PXK: variants seen among roughly 807,000 people sequenced by gnomAD.
The protein encoded by PXK is PX domain-containing protein kinase-like protein.
In PXK, 35 loss-of-function variants were observed where a neutral mutation model predicts 84.7. That is an observed-to-expected ratio of 0.41 (90% CI 0.32 to 0.55). The LOEUF (loss-of-function observed/expected upper bound fraction) is 0.55. Ranked by LOEUF, PXK falls within the 20% of genes least tolerant of loss-of-function variation. The pLI, the probability that PXK is intolerant of heterozygous loss-of-function variation, is 0.21. For synonymous variants in PXK, 253 were observed against 260.8 expected (o/e 0.97, Z 0.29); for missense variants, 634 against 699.7 (o/e 0.91, Z 1.06).
rs1214040512 is a variant in PXK, at chr3:58,383,361, C to G, written c.388+661C>G. On this transcript the variant is annotated intron_variant, in intron 4 of 17. Coordinates refer to ENST00000356151, the MANE Select transcript of PXK (RefSeq NM_017771.5). The surrounding 1 kb of genome is among the most constrained non-coding windows in gnomAD (Gnocchi z 4.0). ...GTAATTTTTATATTACTTTTGACCT[C>G]TAATCAACACCTTATACATACAATA... 6.6e-6 allele frequency among the ~76,000 whole-genome samples: 1 copy of G among 152,164 alleles called. No homozygotes were observed. The highest frequency in any genetic ancestry group is 1.5e-5 in the Non-Finnish European group (1 of 68,032).
intron 2 of PXK, among the ~76,000 whole-genome samples, chr3:58,366,750 T>TC (rs1246042051): frequency 6.6e-6 from 1 of 152,238 alleles, no homozygotes; most frequent in African/African-American, 2.4e-5. Context: ...TATTAAGTGT[T>TC]CACTGGTTTA....
chr3:58,422,599 A>AC (rs1265753366), intron 17 of PXK: 1 of 985,204 alleles, frequency 1.0e-6, no homozygotes, highest in African/African-American at 1.7e-5. Flanking sequence ...CATGTACTGA[A>AC]CCCCACCCTC....
intron 13 of PXK, among the ~76,000 whole-genome samples, chr3:58,404,185 A>G (rs147512099): frequency 2.4e-4 from 37 of 152,374 alleles, no homozygotes; most frequent in Middle Eastern, 3.4e-3. Flanking sequence ...AAAACAACAT[A>G]TCTGTCTAGA....
chr3:58,361,176 A>C (rs2098178232), intron 1 of PXK, among the ~76,000 whole-genome samples: 1 of 150,004 alleles, frequency 6.7e-6, no homozygotes, highest in African/African-American at 2.5e-5. Context: ...CGCACCTGTA[A>C]TCCCAGCTAC....
At position 58,400,954 on chromosome 3, in the gene PXK, C is replaced by G. The variant is rs1362166911; in HGVS notation, c.1181+1577C>G. ...CAATGTGAATATGGAAAAACAGACCCAGTTTGGAAAACAACTTTCACACAA... is the reference window on the plus strand; with the variant it reads ...CAATGTGAATATGGAAAAACAGACCGAGTTTGGAAAACAACTTTCACACAA... On this transcript the variant is annotated intron_variant, in intron 12 of 17. Coordinates refer to ENST00000356151, the MANE Select transcript of PXK (RefSeq NM_017771.5). The surrounding 1 kb of genome is among the most constrained non-coding windows in gnomAD (Gnocchi z 4.0). 6.6e-6 allele frequency among the ~76,000 whole-genome samples: 1 copy of G among 152,126 alleles called. No individual in the cohort carries two copies. The highest frequency in any genetic ancestry group is 1.5e-5 in the Non-Finnish European group (1 of 68,012).
chr3:58,410,717 G>A (rs991487898), intron 16 of PXK, among the ~76,000 whole-genome samples: 2 of 152,190 alleles, frequency 1.3e-5, no homozygotes, highest in Non-Finnish European at 1.5e-5. Flanking sequence ...CCCATCTTTG[G>A]AAATCAGAGC....
chr3:58,356,736 T>C (rs980572553), intron 1 of PXK, among the ~76,000 whole-genome samples: 6 of 151,784 alleles, frequency 4.0e-5, no homozygotes, highest in African/African-American at 1.5e-4. Context: ...CCCATGTAGC[T>C]GGGACTACAG....
intron 2 of PXK, among the ~76,000 whole-genome samples, chr3:58,368,286 C>T (rs2098307780): frequency 6.6e-6 from 1 of 152,076 alleles, no homozygotes; most frequent in Admixed American, 6.6e-5. Context: ...GGGCTAGAGA[C>T]AGGAGGGCAG....
intron 1 of PXK, among the ~76,000 whole-genome samples, chr3:58,356,429 A>G (rs775973674): frequency 1.3e-5 from 2 of 152,068 alleles, no homozygotes; most frequent in Non-Finnish European, 2.9e-5. Flanking sequence ...CCTGTTCCAC[A>G]TCGGAGAGGG....
At chr3:58,369,886 C>T (rs912983715) in intron 3 of PXK, among the ~76,000 whole-genome samples, 4 of 149,290 alleles carry the variant, frequency 2.7e-5, no homozygotes, top group African/African-American at 4.9e-5. Context: ...GAAATTAGCA[C>T]ATTTCCCTGT....
In PXK at chr3:58,403,804, C is replaced by G. The variant is rs1012048355; in HGVS notation, c.1182-58C>G. 6.0e-6 allele frequency: 7 copies of G among 1,172,338 alleles called. No individual in the cohort carries two copies. The Admixed American group carries it at 1.2e-4, about 21-fold the overall frequency. The allele number at this position is 1,172,338 out of a possible 1,614,324, so 72.6% of individuals were successfully genotyped here. A position where few individuals can be genotyped will look rare whatever the true frequency, so the allele number is the denominator to read the frequency against. On this transcript the variant is annotated intron_variant, in intron 12 of 17. Transcript: ENST00000356151. ...AAAGGTGTCTTAATCTGCTTTCATC[C>G]TAGTCTGAGAGTGCACGTGGTTCAA...
rs2060939766 is a variant in PXK, at chr3:58,416,241, C to T, written c.1528+3278C>T. ...GGAACTTCTCTGGAGCTTTAACTTC[C>T]TTGGCTATTGTTCTTAAGCCACTTA... On this transcript the variant is annotated intron_variant, in intron 17 of 17. Coordinates refer to ENST00000356151, the MANE Select transcript of PXK (RefSeq NM_017771.5). This position sits in a 1 kb window ranked among gnomAD's most constrained non-coding sequence, Gnocchi z 4.8. 6.6e-6 allele frequency among the ~76,000 whole-genome samples: 1 copy of T among 152,140 alleles called. No homozygotes were observed. Among genetic ancestry groups the T allele is most frequent in the African/African-American group, 2.4e-5 (1 of 41,442 alleles).
chr3:58,414,781 T>A lies in PXK; in HGVS notation c.1528+1818T>A, dbSNP rs1353780818. 6.6e-6 allele frequency among the ~76,000 whole-genome samples: 1 copy of A among 152,210 alleles called. No homozygotes were observed. The highest frequency in any genetic ancestry group is 1.9e-4 in the East Asian group (1 of 5,196). ...TTGATGAAATTGACTCAGCCTGCAA[T>A]CTGACCTCTGCTGGGCATTTCCTGT... On this transcript the variant is annotated intron_variant, in intron 17 of 17. Coordinates refer to ENST00000356151, the MANE Select transcript of PXK (RefSeq NM_017771.5). The surrounding 1 kb of genome is among the most constrained non-coding windows in gnomAD (Gnocchi z 4.5).
chr3:58,376,536 TACAC>T (rs1404824230), intron 3 of PXK, among the ~76,000 whole-genome samples: 1 of 152,234 alleles, frequency 6.6e-6, no homozygotes, highest in African/African-American at 2.4e-5. Flanking sequence ...TAACTTAGCA[TACAC>T]ACACGTAAAT....
At chr3:58,408,784 A>C (rs927554705) in intron 13 of PXK, 140 bp from the exon 14 acceptor site, 2 of 646,260 alleles carry the variant, frequency 3.1e-6, no homozygotes, top group African/African-American at 3.8e-5. Context: ...GGCCTCTCAA[A>C]GTCCTGGGAT....
chr3:58,423,536 A>C, intron 17 of PXK: 1 of 1,535,370 alleles, frequency 6.5e-7, no homozygotes, highest in African/African-American at 1.4e-5. Context: ...CATACCTGTC[A>C]CACTTGGTGA....
At chr3:58,348,678 A>G (rs1168296577) in intron 1 of PXK, among the ~76,000 whole-genome samples, 1 of 151,952 alleles carries the variant, frequency 6.6e-6, no homozygotes, top group Non-Finnish European at 1.5e-5. Flanking sequence ...TGGCAGGTTG[A>G]GGAGGGAGGA....
chr3:58,343,905 T>A (rs964745434), intron 1 of PXK, among the ~76,000 whole-genome samples: 2 of 152,210 alleles, frequency 1.3e-5, no homozygotes, highest in Non-Finnish European at 2.9e-5. Context: ...TGGATATAAT[T>A]TTCCTTCCTC....
rs7621323 is a variant in PXK at position 58,372,632 on chromosome 3, G to T, written c.201+3154G>T. ...CCCAGCAAAAGCTGCATTTTCTAAA[G>T]TTTTTTTTTTTTGAGATGGAGTCTC... On this transcript the variant is annotated intron_variant, in intron 3 of 17. Coordinates refer to ENST00000356151, the MANE Select transcript of PXK (RefSeq NM_017771.5). Among the ~76,000 whole-genome samples the T allele has an allele frequency of 7.8e-3, 1,168 of 150,172 alleles. 13 individuals carry two copies. The highest frequency in any genetic ancestry group is 0.021 in the African/African-American group (848 of 41,078).
Sources: gnomAD v4.1 joint callset for allele counts (sites outside exome capture counted in the v4.1 genomes callset) on GRCh38, gnomAD v4.1.1 for gene constraint, Gnocchi (gnomAD v3.1) non-coding constraint, MANE v1.5 for transcripts, NCBI Gene and HGNC (gene_info 2026-07-23, HGNC 2026-07-21) for gene names.